CSMD1: variants seen among roughly 807,000 people sequenced by gnomAD.
CSMD1 encodes the protein CUB and sushi domain-containing protein 1.
CSMD1 carries 213 observed loss-of-function variants against 417.5 expected under a neutral mutation model. That is an observed-to-expected ratio of 0.51 (90% CI 0.46 to 0.57). CSMD1 has a LOEUF of 0.57. CSMD1 is among the 20% of genes least tolerant of loss of function. The pLI is 0.00. For synonymous variants in CSMD1, 2,862 were observed against 1,736.8 expected (o/e 1.65, Z -16.11); for missense variants, 6,923 against 4,529.7 (o/e 1.53, Z -15.17).
intron 1 of CSMD1, among the ~76,000 whole-genome samples, chr8:4,874,388 A>ATTTTTTTT (rs3038302): frequency 1.5e-5 from 2 of 133,526 alleles, no homozygotes; most frequent in Non-Finnish European, 1.5e-5. Context: ...ATCCGATTGT[A>ATTTTTTTT]TTTTTTTTTT....
intron 2 of CSMD1, among the ~76,000 whole-genome samples, chr8:4,524,687 T>G (rs1180573829): frequency 6.7e-6 from 1 of 150,138 alleles, no homozygotes; most frequent in Non-Finnish European, 1.5e-5. Context: ...AGACAATAAA[T>G]ACGCCCAGAG....
At chr8:3,761,754 C>A (rs1371027015) in intron 5 of CSMD1, among the ~76,000 whole-genome samples, 2 of 152,204 alleles carry the variant, frequency 1.3e-5, no homozygotes, top group East Asian at 3.9e-4. Flanking sequence ...GATCCATCTG[C>A]TTAGGCCTCC....
chr8:4,844,208 G>A (rs943381157), intron 1 of CSMD1, among the ~76,000 whole-genome samples: 3 of 152,080 alleles, frequency 2.0e-5, no homozygotes, highest in East Asian at 1.9e-4. Flanking sequence ...TTAGTTGTAG[G>A]CACCTGGTAA....
intron 5 of CSMD1, among the ~76,000 whole-genome samples, chr8:3,898,521 G>A (rs537805374): frequency 6.6e-6 from 1 of 152,224 alleles, no homozygotes; most frequent in Non-Finnish European, 1.5e-5. Context: ...CTGAGAGTCT[G>A]TCATATCTTT....
intron 23 of CSMD1, among the ~76,000 whole-genome samples, chr8:3,314,507 A>T (rs552176800): frequency 6.6e-6 from 1 of 152,206 alleles, no homozygotes; most frequent in Non-Finnish European, 1.5e-5. Context: ...TTTAAAAAAG[A>T]CTAAATCACA....
chr8:4,826,078 T>A (rs1243758019), intron 1 of CSMD1, among the ~76,000 whole-genome samples: 1 of 151,778 alleles, frequency 6.6e-6, no homozygotes, highest in African/African-American at 2.4e-5. Context: ...CAATATGGAG[T>A]TTCCTCAAAA....
At chr8:3,359,463 C>G in intron 20 of CSMD1, 123 bp from the exon 21 acceptor site, 1 of 728,116 alleles carries the variant, frequency 1.4e-6, no homozygotes, top group Non-Finnish European at 2.1e-6. Context: ...ATATTTTCCC[C>G]AAACACTTAT....
intron 23 of CSMD1, among the ~76,000 whole-genome samples, chr8:3,316,646 A>T (rs925864402): frequency 1.3e-5 from 2 of 152,192 alleles, no homozygotes; most frequent in African/African-American, 2.4e-5. Flanking sequence ...ACCAATTTAC[A>T]GGAACATTTG....
chr8:3,125,934 G>A (rs976511141), intron 41 of CSMD1, among the ~76,000 whole-genome samples: 15 of 152,136 alleles, frequency 9.9e-5, no homozygotes, highest in African/African-American at 3.1e-4. Flanking sequence ...CTGAGATCGT[G>A]CCACTGCACT....
intron 3 of CSMD1, among the ~76,000 whole-genome samples, chr8:4,272,439 A>C (rs940466481): frequency 1.3e-5 from 2 of 152,192 alleles, no homozygotes; most frequent in Admixed American, 1.3e-4. Context: ...CATAGGAAAA[A>C]CTATCTAAAA....
chr8:4,062,058 C>T (rs1799000673), intron 3 of CSMD1, among the ~76,000 whole-genome samples: 1 of 152,028 alleles, frequency 6.6e-6, no homozygotes, highest in Non-Finnish European at 1.5e-5. Context: ...GTGCCAGCTG[C>T]CGTGGTGGAG....
chr8:3,814,189 A>C (rs1427500190), intron 5 of CSMD1, among the ~76,000 whole-genome samples: 1 of 152,170 alleles, frequency 6.6e-6, no homozygotes, highest in Non-Finnish European at 1.5e-5. Context: ...AAACTGCAAG[A>C]CACTTTCAAC....
At position 3,769,128 on chromosome 8, in the gene CSMD1, C is replaced by G. The variant is rs567446579; in HGVS notation, c.819-15086G>C. The stretch of plus-strand genomic sequence containing the variant: ...TGACTTTTCCTTATTAGTTACTATA[C>G]AGTTAAATTGATTAAAAGATGAAAA... On this transcript the variant is annotated intron_variant, in intron 5 of 69. Transcript: ENST00000635120. Among the ~76,000 whole-genome samples the G allele has an allele frequency of 2.6e-5, 4 of 152,302 alleles. No individual in the cohort carries two copies. In the East Asian group the frequency reaches 5.8e-4, roughly 22 times the overall value.
intron 12 of CSMD1, among the ~76,000 whole-genome samples, chr8:3,451,621 C>G (rs566796825): frequency 1.6e-4 from 25 of 152,178 alleles, no homozygotes; most frequent in African/African-American, 5.8e-4. Flanking sequence ...AGAGCAGATA[C>G]TTGTAGATAT....
chr8:3,528,094 G>A (rs772392723), intron 10 of CSMD1, among the ~76,000 whole-genome samples: 2 of 152,140 alleles, frequency 1.3e-5, no homozygotes, highest in Non-Finnish European at 2.9e-5. Context: ...CTGATACAGG[G>A]GGAAATGAGG....
At chr8:4,519,109 C>A (rs1803287759) in intron 2 of CSMD1, among the ~76,000 whole-genome samples, 1 of 152,138 alleles carries the variant, frequency 6.6e-6, no homozygotes, top group South Asian at 2.1e-4. Flanking sequence ...TCACAACATA[C>A]TGTTTGCGAC....
chr8:3,240,825 G>T (rs1410415202), intron 26 of CSMD1, among the ~76,000 whole-genome samples: 1 of 152,172 alleles, frequency 6.6e-6, no homozygotes, highest in Admixed American at 6.5e-5. Flanking sequence ...GAACTAACCT[G>T]TAAGGCTTGT....
chr8:3,187,882 C>T lies in CSMD1; in HGVS notation c.5607G>A (p.Leu1869=). 1.2e-6 allele frequency: 2 copies of T among 1,612,820 alleles called. No individual in the cohort carries two copies. Among genetic ancestry groups the T allele is most frequent in the Non-Finnish European group, 1.7e-6 (2 of 1,179,412 alleles). ...ACTCCATCTTACCTGAGAAGCTTCC[C>T]AGTCTGGGTGCGGTCACATCCCCAC... ...HDGGDVTAPR[L]GSFSGTTVPA... Residue 1869 remains leucine (L), a synonymous_variant, in exon 36 of 70, where the codon CTG becomes CTA. Coordinates refer to ENST00000635120, the MANE Select transcript of CSMD1 (RefSeq NM_033225.6).
At chr8:4,478,942 C>T (rs986440727) in intron 2 of CSMD1, among the ~76,000 whole-genome samples, 7 of 152,128 alleles carry the variant, frequency 4.6e-5, no homozygotes, top group South Asian at 2.1e-4. Flanking sequence ...CCTTAATTCA[C>T]GGAAATTTTC....
Sources: allele counts gnomAD v4.1 joint callset (sites outside exome capture counted in the v4.1 genomes callset), GRCh38; gene constraint gnomAD v4.1.1; transcripts MANE v1.5; gene names NCBI Gene and HGNC (gene_info 2026-07-23, HGNC 2026-07-21).